The following KHDRBS2 variants were observed in gnomAD, a reference collection of about 807,000 sequenced individuals.
KHDRBS2 encodes KH RNA binding domain containing, signal transduction associated 2.
KHDRBS2 carries 26 observed loss-of-function variants against 44.3 expected under a neutral mutation model. The observed-to-expected ratio is 0.59, with a 90% CI of 0.43 to 0.81. The LOEUF (loss-of-function observed/expected upper bound fraction) is 0.81, where lower values mean the gene tolerates loss of function less well. Ranked by LOEUF, KHDRBS2 falls within the 40% of genes least tolerant of loss-of-function variation. The pLI is 0.00. For missense variants in KHDRBS2, 476 were observed against 433.1 expected (o/e 1.10, Z -0.88); for synonymous variants, 194 against 151.1 (o/e 1.28, Z -2.08).
At chr6:62,128,027 C>G (rs1340067142) in intron 2 of KHDRBS2, among the ~76,000 whole-genome samples, 4 of 152,122 alleles carry the variant, frequency 2.6e-5, no homozygotes, top group Non-Finnish European at 5.9e-5. Flanking sequence ...GAATTAGCAA[C>G]TTTTATTCTT....
At chr6:61,572,526 A>C in the KHDRBS2 span, among the ~76,000 whole-genome samples, 1 of 152,134 alleles carries the variant, frequency 6.6e-6, no homozygotes, top group African/African-American at 2.4e-5. Flanking sequence ...AACAAAAAAA[A>C]CTACATATCA....
intron 4 of KHDRBS2, among the ~76,000 whole-genome samples, chr6:61,924,297 C>T (rs1379816917): frequency 6.6e-6 from 1 of 151,934 alleles, no homozygotes; most frequent in African/African-American, 2.4e-5. Flanking sequence ...AGTAAGTGGG[C>T]CATGGTAATA....
At chr6:61,727,625 G>T (rs1358588657) in intron 7 of KHDRBS2, among the ~76,000 whole-genome samples, 2 of 152,034 alleles carry the variant, frequency 1.3e-5, no homozygotes, top group Non-Finnish European at 2.9e-5. Context: ...CTGGGCAAAG[G>T]ACCTGAACAG....
chr6:61,972,109 G>A (rs1365448069), intron 4 of KHDRBS2, among the ~76,000 whole-genome samples: 1 of 152,094 alleles, frequency 6.6e-6, no homozygotes, highest in Non-Finnish European at 1.5e-5. Flanking sequence ...CAGTAATCAT[G>A]AGTCTTTTTG....
At chr6:61,556,241 CA>C in the KHDRBS2 span, among the ~76,000 whole-genome samples, 4 of 152,102 alleles carry the variant, frequency 2.6e-5, no homozygotes, top group African/African-American at 9.7e-5. Context: ...CAGCATCGGG[CA>C]GGGGGCAGAG....
chr6:62,082,709 T>C (rs566308313), intron 2 of KHDRBS2, among the ~76,000 whole-genome samples: 1 of 152,188 alleles, frequency 6.6e-6, no homozygotes, highest in African/African-American at 2.4e-5. Flanking sequence ...CCATGTTTCC[T>C]GTCCTGTGTA....
intron 2 of KHDRBS2, among the ~76,000 whole-genome samples, chr6:62,115,602 A>G (rs991262501): frequency 1.3e-5 from 2 of 152,178 alleles, no homozygotes. Context: ...TTATGTATGT[A>G]TTGGCTTGCT....
At position 61,680,788 on chromosome 6, in the gene KHDRBS2, C is replaced by T. The variant is rs1766212016; in HGVS notation, c.*175G>A. 2.1e-6 allele frequency: 1 copy of T among 484,402 alleles called. No individual in the cohort carries two copies. The highest frequency in any genetic ancestry group is 5.2e-4 in the Middle Eastern group (1 of 1,928). 30.0% of individuals were successfully genotyped at this position (484,402 alleles called of 1,614,324 possible). ...TGTAAAATAATACTAGTGTCAATGT[C>T]ACGCCAACAGTACAGAGGGAAATAC... On this transcript the variant is annotated 3_prime_UTR_variant, in exon 9 of 9. Transcript: ENST00000281156.
At chr6:61,612,946 G>C in the KHDRBS2 span, among the ~76,000 whole-genome samples, 1 of 143,092 alleles carries the variant, frequency 7.0e-6, no homozygotes, top group African/African-American at 2.6e-5. Flanking sequence ...TCCGCCTCCT[G>C]GGTTCACGCC....
At chr6:62,058,547 T>C (rs1234539488) in intron 2 of KHDRBS2, among the ~76,000 whole-genome samples, 1 of 151,820 alleles carries the variant, frequency 6.6e-6, no homozygotes, top group African/African-American at 2.4e-5. Flanking sequence ...CTAGGGCAGA[T>C]TGCACTAAGT....
chr6:61,875,302 A>G (rs1799261732), intron 6 of KHDRBS2, among the ~76,000 whole-genome samples: 1 of 152,010 alleles, frequency 6.6e-6, no homozygotes, highest in African/African-American at 2.4e-5. Context: ...AGTAAATAGA[A>G]CAGGCCGAAG....
At chr6:61,589,001 T>C in the KHDRBS2 span, among the ~76,000 whole-genome samples, 1 of 151,500 alleles carries the variant, frequency 6.6e-6, no homozygotes, top group East Asian at 1.9e-4. Flanking sequence ...CACTCATAAG[T>C]GGGAGTTGAA....
At chr6:61,736,053 CT>C in intron 6 of KHDRBS2, among the ~76,000 whole-genome samples, 1 of 148,812 alleles carries the variant, frequency 6.7e-6, no homozygotes, top group East Asian at 2.0e-4. Flanking sequence ...AATCTAGAGG[CT>C]TATATTCTTC....
intron 3 of KHDRBS2, among the ~76,000 whole-genome samples, chr6:62,032,528 T>TCA (rs1461649924): frequency 6.7e-6 from 1 of 149,568 alleles, no homozygotes; most frequent in East Asian, 2.0e-4. Context: ...CCATATATAT[T>TCA]CATATATATA....
intron 6 of KHDRBS2, among the ~76,000 whole-genome samples, chr6:61,890,001 C>T (rs1801574860): frequency 6.6e-6 from 1 of 152,208 alleles, no homozygotes; most frequent in African/African-American, 2.4e-5. Context: ...CCTTCCCTAA[C>T]TGCCCATTTT....
downstream of KHDRBS2, among the ~76,000 whole-genome samples, chr6:61,676,832 C>T (rs1446192186): frequency 6.6e-6 from 1 of 151,768 alleles, no homozygotes; most frequent in Non-Finnish European, 1.5e-5. Flanking sequence ...AAAGGCCATG[C>T]TAATATTTTA....
At chr6:62,034,620 A>T (rs1328518858) in intron 3 of KHDRBS2, among the ~76,000 whole-genome samples, 1 of 147,134 alleles carries the variant, frequency 6.8e-6, no homozygotes, top group Non-Finnish European at 1.5e-5. Context: ...ACACTCAAAA[A>T]TTGTGTATAG....
At chr6:61,632,521 GA>G in the KHDRBS2 span, among the ~76,000 whole-genome samples, 1 of 152,024 alleles carries the variant, frequency 6.6e-6, no homozygotes. Flanking sequence ...AAACAATTTT[GA>G]AAAATAATTT....
chr6:61,550,498 A>T, the KHDRBS2 span, among the ~76,000 whole-genome samples: 1 of 152,172 alleles, frequency 6.6e-6, no homozygotes, highest in Non-Finnish European at 1.5e-5. Flanking sequence ...GCAAGGAACA[A>T]TATGAGTGCA....
Sources: gnomAD v4.1 joint callset for allele counts (sites outside exome capture counted in the v4.1 genomes callset) on GRCh38, gnomAD v4.1.1 for gene constraint, MANE v1.5 for transcripts, NCBI Gene and HGNC (gene_info 2026-07-23, HGNC 2026-07-21) for gene names.